The following EMSY variants were observed in gnomAD, a reference collection of about 807,000 sequenced individuals.
The protein encoded by EMSY is EMSY transcriptional repressor, BRCA2 interacting.
Under a neutral mutation model 134.6 loss-of-function variants are expected in EMSY, and 26 were observed. The observed-to-expected ratio is 0.19, with a 90% CI of 0.14 to 0.27. The LOEUF is 0.27. Ranked by LOEUF, EMSY falls within the 10% of genes least tolerant of loss-of-function variation. The pLI is 1.00. For synonymous variants in EMSY, 579 were observed against 577.8 expected, an observed-to-expected ratio of 1.00 and a Z score of -0.03; for missense variants, 1,305 against 1,611.4, an observed-to-expected ratio of 0.81 and a Z score of 3.26.
At chr11:76,472,648 C>G (rs1465042371) in exon 8 of EMSY, 3 of 1,614,066 alleles carry the variant, frequency 1.9e-6, no homozygotes, top group Non-Finnish European at 2.5e-6. Flanking sequence ...AGTCACTAAG[C>G]TTGTACCAAC....
intron 9 of EMSY, among the ~76,000 whole-genome samples, chr11:76,505,398 A>G (rs1002676610): frequency 8.8e-5 from 10 of 113,090 alleles, no homozygotes; most frequent in Non-Finnish European, 1.7e-4. Context: ...ATGGGTTTTC[A>G]CCATGTTGGC....
At chr11:76,552,119 A>T (rs1951850608), downstream of EMSY, 1 of 152,138 alleles carries the variant, frequency 6.6e-6, no homozygotes, top group Non-Finnish European at 1.5e-5. Flanking sequence ...GAAATTTAAA[A>T]TTTTTCTTTT....
chr11:76,523,006 T>C, intron 11 of EMSY, 149 bp from the exon 13 acceptor site: 1 of 717,634 alleles, frequency 1.4e-6, no homozygotes, highest in East Asian at 2.9e-5. Flanking sequence ...AACTTACTAT[T>C]CCAAGCCTTC....
intron 13 of EMSY, among the ~76,000 whole-genome samples, chr11:76,527,363 C>A (rs1950882393): frequency 6.6e-6 from 1 of 151,964 alleles, no homozygotes; most frequent in African/African-American, 2.4e-5. Context: ...GTGACAAGTC[C>A]AAATTGCCTA....
chr11:76,484,067 A>G (rs1949085839), intron 8 of EMSY, among the ~76,000 whole-genome samples: 1 of 152,256 alleles, frequency 6.6e-6, no homozygotes, highest in African/African-American at 2.4e-5. Context: ...CCACGGGGCA[A>G]TCAAATTATA....
chr11:76,451,522 C>T lies in EMSY; in HGVS notation c.71-336C>T, dbSNP rs910719743. 3.9e-5 allele frequency among the ~76,000 whole-genome samples: 6 copies of T among 152,260 alleles called. No individual in the cohort carries two copies. In the East Asian group the frequency reaches 5.8e-4, roughly 15 times the overall value. ...AGATACCTTTTAGTAATGCTGAAAA[C>T]GTCTCAGCCTTGTTACATCAGTTGG... is the stretch of plus-strand genomic sequence containing the variant. On this transcript the variant is annotated intron_variant, in intron 2 of 20. Transcript: ENST00000334736.
intron 8 of EMSY, among the ~76,000 whole-genome samples, chr11:76,488,281 C>A (rs1482692468): frequency 1.3e-5 from 2 of 152,122 alleles, no homozygotes; most frequent in Non-Finnish European, 2.9e-5. Context: ...GCCTGGGCAA[C>A]GTAGCATGAC....
chr11:76,511,126 T>C (rs1346625160), intron 9 of EMSY, among the ~76,000 whole-genome samples: 1 of 152,208 alleles, frequency 6.6e-6, no homozygotes, highest in Non-Finnish European at 1.5e-5. Context: ...TTACTTTCTT[T>C]TTAAGAGACT....
rs766247997 is a variant in EMSY, at chr11:76,542,186, G to C, written c.2558-30G>C. The C allele has an allele frequency of 6.2e-6, 10 of 1,613,138 alleles. No individual in the cohort carries two copies. In the African/African-American group the frequency reaches 9.3e-5, roughly 15 times the overall value. On this transcript the variant is annotated intron_variant, in intron 17 of 20. Coordinates refer to ENST00000334736, the Ensembl canonical transcript of EMSY. ...GTTACAGATGCTGTGGTGATTTCTG[G>C]AGAAATATCATCACCTCCTCTATTT...
intron 20 of EMSY, among the ~76,000 whole-genome samples, chr11:76,548,727 A>G (rs1951741951): frequency 6.6e-6 from 1 of 152,226 alleles, no homozygotes; most frequent in South Asian, 2.1e-4. Context: ...ACAAACAAAC[A>G]GAACTTCGTG....
chr11:76,533,290 T>C (rs904994465), intron 14 of EMSY, among the ~76,000 whole-genome samples: 1 of 152,084 alleles, frequency 6.6e-6, no homozygotes, highest in African/African-American at 2.4e-5. Context: ...GGTGGGGACA[T>C]AGGAGCTTTT....
intron 9 of EMSY, among the ~76,000 whole-genome samples, chr11:76,504,270 G>A (rs2135962781): frequency 6.7e-6 from 1 of 149,428 alleles, no homozygotes; most frequent in East Asian, 2.0e-4. Flanking sequence ...ATGTAAAATG[G>A]TACAGATATA....
downstream of EMSY, chr11:76,552,532 A>G (rs1238662828): frequency 1.6e-4 from 24 of 152,234 alleles, no homozygotes; most frequent in Non-Finnish European, 4.4e-5. Flanking sequence ...TAGAATCCTA[A>G]CAACTATTAG....
At chr11:76,449,177 C>A (rs1204371708) in intron 2 of EMSY, among the ~76,000 whole-genome samples, 1 of 152,100 alleles carries the variant, frequency 6.6e-6, no homozygotes, top group East Asian at 1.9e-4. Context: ...GATAGAATTG[C>A]TTGAAAAATA....
chr11:76,528,488 A>C, intron 14 of EMSY, 22 bp downstream of exon 15: 1 of 1,559,536 alleles, frequency 6.4e-7, no homozygotes, highest in South Asian at 1.1e-5. Flanking sequence ...TTTACTTCTG[A>C]TTTATATAAG....
chr11:76,506,747 ACT>A (rs1459888990), intron 9 of EMSY, among the ~76,000 whole-genome samples: 1 of 152,154 alleles, frequency 6.6e-6, no homozygotes, highest in African/African-American at 2.4e-5. Flanking sequence ...GGAAGCTGGG[ACT>A]CGTACATTAC....
intron 14 of EMSY, among the ~76,000 whole-genome samples, chr11:76,532,491 C>T (rs1951079648): frequency 6.6e-6 from 1 of 151,896 alleles, no homozygotes. Flanking sequence ...AGGTCACTTA[C>T]TAAAGATCAG....
At chr11:76,503,847 C>T (rs370105659) in intron 9 of EMSY, among the ~76,000 whole-genome samples, 3 of 152,224 alleles carry the variant, frequency 2.0e-5, no homozygotes, top group South Asian at 2.1e-4. Context: ...TGTAGTGGCA[C>T]GGTCTTGGCT....
chr11:76,521,004 G>T (rs1565342457), intron 11 of EMSY, among the ~76,000 whole-genome samples: 1 of 152,146 alleles, frequency 6.6e-6, no homozygotes, highest in Non-Finnish European at 1.5e-5. Context: ...AGCAAAAGTA[G>T]CATTGGAATT....
Sources: gnomAD v4.1 joint callset for allele counts (sites outside exome capture counted in the v4.1 genomes callset) on GRCh38, gnomAD v4.1.1 for gene constraint, MANE v1.5 for transcripts, NCBI Gene and HGNC (gene_info 2026-07-23, HGNC 2026-07-21) for gene names.